Variants in RFTN2 observed in about 807,000 individuals in gnomAD.
RFTN2 encodes the protein raftlin family member 2.
Under a neutral mutation model 52.7 loss-of-function variants are expected in RFTN2, and 34 were observed. That is an observed-to-expected ratio of 0.64 (90% CI 0.49 to 0.86). RFTN2 has a LOEUF of 0.86. Ranked by LOEUF, RFTN2 falls within the 40% of genes least tolerant of loss-of-function variation. The pLI, the probability that RFTN2 is intolerant of heterozygous loss-of-function variation, is 0.00. For missense variants in RFTN2, 536 were observed against 600.1 expected (o/e 0.89, Z 1.12); for synonymous variants, 203 against 217.7 (o/e 0.93, Z 0.59).
intron 3 of RFTN2, 41 bp from the exon 4 acceptor site, chr2:197,634,038 T>C: frequency 6.6e-7 from 1 of 1,506,196 alleles, no homozygotes; most frequent in East Asian, 2.3e-5. Flanking sequence ...ATGTAAACTC[T>C]ATTTTCATTG....
chr2:197,638,044 C>A (rs1341544415), intron 3 of RFTN2, among the ~76,000 whole-genome samples: 1 of 150,468 alleles, frequency 6.6e-6, no homozygotes. Flanking sequence ...TGTAGTTGAG[C>A]GGCTTTGAGT....
chr2:197,646,404 A>G, intron 2 of RFTN2, 79 bp downstream of exon 2: 2 of 1,171,256 alleles, frequency 1.7e-6, no homozygotes, highest in South Asian at 3.2e-5. Context: ...ATTCTCTGCC[A>G]CTTGATTCAA....
At chr2:197,617,374 T>C (rs189599668) in intron 6 of RFTN2, among the ~76,000 whole-genome samples, 128 of 152,302 alleles carry the variant, frequency 8.4e-4, no homozygotes, top group African/African-American at 3.0e-3. Context: ...CGAAAGAAGT[T>C]TGTTCATGCA....
At chr2:197,649,726 C>T (rs1319756439) in intron 1 of RFTN2, among the ~76,000 whole-genome samples, 4 of 152,142 alleles carry the variant, frequency 2.6e-5, no homozygotes, top group Non-Finnish European at 5.9e-5. Flanking sequence ...TTGGGTTAGA[C>T]TTCAGGGAAA....
intron 6 of RFTN2, among the ~76,000 whole-genome samples, chr2:197,617,302 T>C (rs2088160775): frequency 6.6e-6 from 1 of 152,234 alleles, no homozygotes; most frequent in African/African-American, 2.4e-5. Context: ...GCATAGTTAA[T>C]TATTTCTCTA....
rs143299748 is a variant in RFTN2, at chr2:197,576,776, T to C, written c.1234-4496A>G. On this transcript the variant is annotated intron_variant, in intron 8 of 8. Transcript: ENST00000295049. ...GAAGATGCAGCCCCAGCGGGTTGCA[T>C]AGAAAGGAGTTTATTGGCAGCTCAG... is the stretch of plus-strand genomic sequence containing the variant. Among the ~76,000 whole-genome samples the C allele has an allele frequency of 1.8e-4, 28 of 152,308 alleles. No individual in the cohort carries two copies. The East Asian group carries it at 4.2e-3, about 23-fold the overall frequency.
chr2:197,605,762 C>T (rs2087952029), intron 7 of RFTN2, among the ~76,000 whole-genome samples: 1 of 152,154 alleles, frequency 6.6e-6, no homozygotes, highest in Non-Finnish European at 1.5e-5. Context: ...TCCAGGCAGC[C>T]ACTACCAACA....
intron 7 of RFTN2, among the ~76,000 whole-genome samples, chr2:197,601,053 G>T (rs1329275609): frequency 1.3e-5 from 2 of 152,192 alleles, no homozygotes; most frequent in Non-Finnish European, 1.5e-5. Context: ...GAGGGCACAG[G>T]CTGCATGAAG....
intron 3 of RFTN2, among the ~76,000 whole-genome samples, chr2:197,639,399 T>G (rs2088622643): frequency 6.6e-6 from 1 of 151,956 alleles, no homozygotes; most frequent in Admixed American, 6.6e-5. Flanking sequence ...GATTTGGTCT[T>G]TTCACATAGT....
intron 8 of RFTN2, among the ~76,000 whole-genome samples, chr2:197,584,147 T>C (rs2087556962): frequency 1.3e-5 from 2 of 152,202 alleles, no homozygotes; most frequent in South Asian, 4.1e-4. Flanking sequence ...TACCCAGTAA[T>C]GGGATGGCTG....
At chr2:197,584,967 C>T (rs968851011) in intron 8 of RFTN2, among the ~76,000 whole-genome samples, 1 of 152,150 alleles carries the variant, frequency 6.6e-6, no homozygotes, top group African/African-American at 2.4e-5. Flanking sequence ...ACTCTACAAC[C>T]TTGATGGACT....
intron 7 of RFTN2, among the ~76,000 whole-genome samples, chr2:197,602,252 G>C (rs942452332): frequency 2.0e-5 from 3 of 151,686 alleles, no homozygotes; most frequent in African/African-American, 7.3e-5. Context: ...TGTGTTTTTA[G>C]TAGAGACAGG....
intron 6 of RFTN2, 139 bp from the exon 7 acceptor site, chr2:197,616,118 C>T (rs2088136994): frequency 1.8e-6 from 1 of 553,692 alleles, no homozygotes; most frequent in Non-Finnish European, 3.3e-6. Context: ...ATGTTCTGCT[C>T]TGCTTCCTTC....
chr2:197,645,651 A>C (rs2088737161), intron 2 of RFTN2, among the ~76,000 whole-genome samples: 1 of 152,228 alleles, frequency 6.6e-6, no homozygotes, highest in Non-Finnish European at 1.5e-5. Context: ...TTAGCTTTTA[A>C]ATTAGATTTT....
intron 7 of RFTN2, among the ~76,000 whole-genome samples, chr2:197,608,310 A>ATT (rs753519789): frequency 0.016 from 2,170 of 132,212 alleles, 35 homozygotes; most frequent in South Asian, 0.033. Context: ...TAGGGACCAG[A>ATT]TTTTTTTTTT....
rs188296358 is a variant in RFTN2, at chr2:197,648,978, T to C, written c.140-2312A>G. Among the ~76,000 whole-genome samples, 28 of 152,366 alleles carry C rather than the reference T, an allele frequency of 1.8e-4. No homozygotes were observed. The East Asian group carries it at 5.4e-3, about 29-fold the overall frequency. On this transcript the variant is annotated intron_variant, in intron 1 of 8. Transcript: ENST00000295049. The stretch of plus-strand genomic sequence containing the variant: ...AATTCCTTAAGGGAAAGGAACCTAC[T>C]GTATTCATGTCTTTCTATGTCTAGC...
intron 5 of RFTN2, among the ~76,000 whole-genome samples, chr2:197,618,510 C>G (rs1461479042): frequency 6.6e-6 from 1 of 152,054 alleles, no homozygotes; most frequent in Non-Finnish European, 1.5e-5. Context: ...GCCGCCACCC[C>G]GTCTGGGAAG....
Position 197,633,736 on chromosome 2 carries a change from T to C in RFTN2, c.700A>G (p.Lys234Glu). ...MEQNGSPTSS[K>E]SRKGEASDNK... ...CTATTACCTTCTCCCTTTCTTGATTTAGAGGAAGTAGGGCTGCCATTTTGT... is the reference window on the plus strand; with the variant it reads ...CTATTACCTTCTCCCTTTCTTGATTCAGAGGAAGTAGGGCTGCCATTTTGT... Residue 234 changes from lysine to glutamate, a missense_variant, in exon 4 of 9, where the codon AAA (lysine) becomes GAA (glutamate). Lys to Glu is a moderately conservative substitution (Grantham distance 56). Coordinates refer to ENST00000295049, the MANE Select transcript of RFTN2 (RefSeq NM_144629.3). 6.2e-7 allele frequency: 1 copy of C among 1,613,336 alleles called. No individual in the cohort carries two copies. The highest frequency in any genetic ancestry group is 1.1e-5 in the South Asian group (1 of 91,028).
chr2:197,590,759 C>A (rs113945058), intron 8 of RFTN2, among the ~76,000 whole-genome samples: 2 of 152,048 alleles, frequency 1.3e-5, no homozygotes, highest in African/African-American at 2.4e-5. Context: ...CAGCTCTTAA[C>A]GTGGCGCGTC....
Sources: allele counts gnomAD v4.1 joint callset (sites outside exome capture counted in the v4.1 genomes callset), GRCh38; gene constraint gnomAD v4.1.1; transcripts MANE v1.5; gene names NCBI Gene and HGNC (gene_info 2026-07-23, HGNC 2026-07-21).